The following STYX variants were observed in gnomAD, a reference collection of about 807,000 sequenced individuals.
STYX encodes the protein serine/threonine/tyrosine interacting protein.
In STYX, 20 loss-of-function variants were observed where a neutral mutation model predicts 42.7. That is an observed-to-expected ratio of 0.47 (90% confidence interval 0.33 to 0.68). The LOEUF is 0.68. STYX is among the 30% of genes least tolerant of loss of function. The probability of loss-of-function intolerance (pLI) is 0.02; values close to 1 mark genes in which losing one functional copy is unlikely to be tolerated. For missense variants in STYX, 226 were observed against 268.5 expected, an observed-to-expected ratio of 0.84 and a Z score of 1.11; for synonymous variants, 78 against 81.9, an observed-to-expected ratio of 0.95 and a Z score of 0.26.
intron 1 of STYX, among the ~76,000 whole-genome samples, chr14:52,733,171 T>G (rs1269858988): frequency 6.6e-6 from 1 of 152,184 alleles, no homozygotes; most frequent in Non-Finnish European, 1.5e-5. Flanking sequence ...TTAATACACT[T>G]CAATTCTTCC....
chr14:52,761,568 T>A (rs917075687), intron 9 of STYX, among the ~76,000 whole-genome samples: 1 of 133,824 alleles, frequency 7.5e-6, no homozygotes, highest in African/African-American at 2.6e-5. Context: ...AGCCAAAAGT[T>A]TTTTTTTTTT....
At chr14:52,768,705 A>T (rs537886651) in intron 9 of STYX, 135 bp from the exon 10 acceptor site, 4 of 559,120 alleles carry the variant, frequency 7.2e-6, no homozygotes, top group Non-Finnish European at 8.9e-6. Context: ...TTAAACTTCC[A>T]TTTCTCTTCA....
chr14:52,738,653 T>C (rs1881058968), intron 1 of STYX, among the ~76,000 whole-genome samples: 1 of 152,218 alleles, frequency 6.6e-6, no homozygotes, highest in African/African-American at 2.4e-5. Flanking sequence ...CCTTGATATA[T>C]TGATTACTTT....
At chr14:52,755,121 G>GTTTT (rs537098365) in intron 4 of STYX, among the ~76,000 whole-genome samples, 9 of 139,308 alleles carry the variant, frequency 6.5e-5, no homozygotes, top group Non-Finnish European at 6.2e-5. Flanking sequence ...TTGTTTTTTT[G>GTTTT]TTTTTTTTTT....
chr14:52,746,157 A>G (rs1361737990), intron 2 of STYX, among the ~76,000 whole-genome samples: 1 of 152,166 alleles, frequency 6.6e-6, no homozygotes, highest in Non-Finnish European at 1.5e-5. Context: ...GGTCAGGCAC[A>G]GGAGTTCATG....
intron 4 of STYX, among the ~76,000 whole-genome samples, chr14:52,754,155 T>C (rs1205929776): frequency 6.6e-6 from 1 of 152,060 alleles, no homozygotes; most frequent in African/African-American, 2.4e-5. Flanking sequence ...CCCACAGTGC[T>C]GGGATTACAG....
chr14:52,758,821 G>A (rs996661471), intron 8 of STYX, among the ~76,000 whole-genome samples: 8 of 152,076 alleles, frequency 5.3e-5, no homozygotes, highest in Admixed American at 2.0e-4. Flanking sequence ...TGATCCACCT[G>A]CCTCGGCCTC....
intron 1 of STYX, among the ~76,000 whole-genome samples, chr14:52,740,652 A>G (rs935555962): frequency 1.3e-5 from 2 of 152,216 alleles, no homozygotes; most frequent in Admixed American, 6.5e-5. Flanking sequence ...TCCTGCCACT[A>G]TGAATGAATT....
At chr14:52,764,666 C>CTTTTTTTTTTTTT (rs58502916) in intron 9 of STYX, among the ~76,000 whole-genome samples, 1 of 99,014 alleles carries the variant, frequency 1.0e-5, no homozygotes, top group Non-Finnish European at 2.0e-5. Context: ...TTTACTTTTC[C>CTTTTTTTTTTTTT]TTTTTTTTTT....
At chr14:52,735,710 A>G (rs1410338786) in intron 1 of STYX, among the ~76,000 whole-genome samples, 1 of 152,218 alleles carries the variant, frequency 6.6e-6, no homozygotes, top group African/African-American at 2.4e-5. Context: ...CAAATTACAG[A>G]CCAAATTTAA....
chr14:52,769,623 G>A (rs1882438033), intron 10 of STYX, among the ~76,000 whole-genome samples: 1 of 152,052 alleles, frequency 6.6e-6, no homozygotes, highest in South Asian at 2.1e-4. Context: ...TCATCCCCAA[G>A]GCTCAACTTC....
At chr14:52,733,925 C>G (rs1377994675) in intron 1 of STYX, among the ~76,000 whole-genome samples, 3 of 152,200 alleles carry the variant, frequency 2.0e-5, no homozygotes, top group African/African-American at 7.2e-5. Context: ...GCTGCTTTAC[C>G]GAATCTTCTT....
intron 2 of STYX, 77 bp downstream of exon 2, chr14:52,744,961 C>T: frequency 7.8e-7 from 1 of 1,281,282 alleles, no homozygotes; most frequent in Non-Finnish European, 1.1e-6. Context: ...GGATTTGAGA[C>T]CTGCTGATTT....
At chr14:52,739,142 A>G in intron 1 of STYX, among the ~76,000 whole-genome samples, 1 of 146,732 alleles carries the variant, frequency 6.8e-6, no homozygotes, top group East Asian at 2.0e-4. Context: ...TTTTTTTGGT[A>G]TACACTTTTC....
chr14:52,748,621 C>T (rs1278006802), intron 3 of STYX, among the ~76,000 whole-genome samples: 1 of 152,014 alleles, frequency 6.6e-6, no homozygotes, highest in Non-Finnish European at 1.5e-5. Context: ...GCAGATCTGC[C>T]TCTGAAAAGT....
intron 5 of STYX, 60 bp downstream of exon 5, chr14:52,756,671 T>G: frequency 1.6e-6 from 1 of 607,450 alleles, no homozygotes; most frequent in Non-Finnish European, 2.6e-6. Context: ...ACTTCTTAGT[T>G]GTGCTTTTTT....
intron 1 of STYX, among the ~76,000 whole-genome samples, chr14:52,740,933 C>T (rs566384619): frequency 8.2e-4 from 125 of 152,190 alleles, no homozygotes; most frequent in South Asian, 1.7e-3. Flanking sequence ...AATAGGAAAC[C>T]AGATTTCTAT....
chr14:52,759,273 CTG>C (rs1440889814), intron 8 of STYX, among the ~76,000 whole-genome samples: 11 of 152,294 alleles, frequency 7.2e-5, no homozygotes, highest in Non-Finnish European at 8.8e-5. Flanking sequence ...TACCACATCA[CTG>C]TGCCTGGCTA....
chr14:52,760,255 G>C (rs1882038835), intron 9 of STYX, among the ~76,000 whole-genome samples: 1 of 152,038 alleles, frequency 6.6e-6, no homozygotes, highest in African/African-American at 2.4e-5. Context: ...CAAGAAAAAA[G>C]GGTTAAAGAC....
Sources: gnomAD v4.1 joint callset for allele counts (sites outside exome capture counted in the v4.1 genomes callset) on GRCh38, gnomAD v4.1.1 for gene constraint, MANE v1.5 for transcripts, NCBI Gene and HGNC (gene_info 2026-07-23, HGNC 2026-07-21) for gene names.